Variants in CAST observed in about 807,000 individuals in gnomAD.
CAST encodes calpastatin.
In CAST, 76 loss-of-function variants were observed where a neutral mutation model predicts 119.6. That is an observed-to-expected ratio of 0.64 (90% CI 0.53 to 0.77). The LOEUF is 0.77. Ranked by LOEUF, CAST falls within the 30% of genes least tolerant of loss-of-function variation. The pLI is 0.00. For synonymous variants in CAST, 319 were observed against 331.6 expected (o/e 0.96, Z 0.41); for missense variants, 953 against 946.5 (o/e 1.01, Z -0.09).
intron 1 of CAST, among the ~76,000 whole-genome samples, chr5:96,540,307 C>A (rs1425142734): frequency 6.6e-6 from 1 of 151,984 alleles, no homozygotes; most frequent in Non-Finnish European, 1.5e-5. Flanking sequence ...TCTCCTTCTG[C>A]CTAAAGGACT....
At chr5:96,041,548 C>T in the CAST span, among the ~76,000 whole-genome samples, 2 of 152,062 alleles carry the variant, frequency 1.3e-5, no homozygotes, top group African/African-American at 4.8e-5. Context: ...TCTAAATAAA[C>T]TACTGTGGAC....
chr5:96,411,031 G>A, the CAST span: 1 of 1,371,666 alleles, frequency 7.3e-7, no homozygotes, highest in South Asian at 1.2e-5. Context: ...TCATCTATTG[G>A]GGTCATTGTT....
At chr5:96,226,371 C>T in the CAST span, among the ~76,000 whole-genome samples, 1 of 152,154 alleles carries the variant, frequency 6.6e-6, no homozygotes, top group Non-Finnish European at 1.5e-5. Context: ...CTAATGTAGG[C>T]TGGGCATGGT....
the CAST span, among the ~76,000 whole-genome samples, chr5:96,418,049 T>C: frequency 6.6e-6 from 1 of 152,208 alleles, no homozygotes; most frequent in East Asian, 1.9e-4. Flanking sequence ...TGTGCCTTTG[T>C]CCTAAAAAAT....
the CAST span, among the ~76,000 whole-genome samples, chr5:96,113,219 A>G: frequency 6.6e-6 from 1 of 152,204 alleles, no homozygotes; most frequent in Non-Finnish European, 1.5e-5. Flanking sequence ...GGAATTTGAG[A>G]CCAAATTATG....
the CAST span, among the ~76,000 whole-genome samples, chr5:96,305,364 G>C: frequency 1.3e-5 from 2 of 152,218 alleles, no homozygotes; most frequent in Non-Finnish European, 2.9e-5. Context: ...CTGAGACAAT[G>C]GGGTTTTCTA....
At chr5:96,595,917 T>G (rs779911250) in intron 1 of CAST, among the ~76,000 whole-genome samples, 2 of 151,830 alleles carry the variant, frequency 1.3e-5, no homozygotes, top group Non-Finnish European at 2.9e-5. Flanking sequence ...CTGGAGGAGG[T>G]GGCGTGGCAT....
At chr5:96,683,688 A>G (rs1751716877) in intron 2 of CAST, among the ~76,000 whole-genome samples, 1 of 152,118 alleles carries the variant, frequency 6.6e-6, no homozygotes, top group Non-Finnish European at 1.5e-5. Flanking sequence ...AATGTTGGTC[A>G]CTGCTTGTTT....
the CAST span, among the ~76,000 whole-genome samples, chr5:96,000,290 A>G: frequency 6.6e-6 from 1 of 152,212 alleles, no homozygotes; most frequent in Non-Finnish European, 1.5e-5. Context: ...ATTTTATGGA[A>G]CATGTTTTTA....
At chr5:96,729,501 G>T (rs372672040) in intron 7 of CAST, 111 bp from the exon 8 acceptor site, 3 of 651,570 alleles carry the variant, frequency 4.6e-6, no homozygotes, top group Non-Finnish European at 8.4e-6. Flanking sequence ...CAGCACAACT[G>T]TTATGAACAA....
At chr5:95,961,537 T>C in the CAST span, 10 of 1,523,038 alleles carry the variant, frequency 6.6e-6, no homozygotes, top group African/African-American at 5.8e-5. Context: ...GGGTGCGCTC[T>C]GCCTCTCTGA....
chr5:96,169,268 G>C, the CAST span, among the ~76,000 whole-genome samples: 3 of 152,288 alleles, frequency 2.0e-5, no homozygotes, highest in Middle Eastern at 3.4e-3. Flanking sequence ...CAGCAGTACA[G>C]CCCAGGTAAT....
chr5:96,653,458 T>C (rs1748119955), intron 1 of CAST, among the ~76,000 whole-genome samples: 1 of 152,246 alleles, frequency 6.6e-6, no homozygotes, highest in Admixed American at 6.5e-5. Context: ...TAGACCTGGC[T>C]TTGGAATCTG....
At chr5:96,443,176 T>C in the CAST span, among the ~76,000 whole-genome samples, 1 of 152,224 alleles carries the variant, frequency 6.6e-6, no homozygotes, top group African/African-American at 2.4e-5. Flanking sequence ...TGCTCATGCA[T>C]ACATCTGTAA....
chr5:96,190,361 G>A, the CAST span, among the ~76,000 whole-genome samples: 1 of 152,114 alleles, frequency 6.6e-6, no homozygotes, highest in Non-Finnish European at 1.5e-5. Context: ...GAAAGTGTAG[G>A]TTCTTTAATG....
chr5:96,290,702 G>T, the CAST span, among the ~76,000 whole-genome samples: 1 of 152,292 alleles, frequency 6.6e-6, no homozygotes. Context: ...ATCTGAAATG[G>T]ATGACAGGAA....
chr5:96,496,022 A>C, the CAST span, among the ~76,000 whole-genome samples: 1 of 152,206 alleles, frequency 6.6e-6, no homozygotes, highest in Non-Finnish European at 1.5e-5. Flanking sequence ...AAGTAGTAAG[A>C]GTGAATATTT....
the CAST span, chr5:96,433,163 T>C: frequency 4.0e-5 from 38 of 959,184 alleles, no homozygotes; most frequent in Non-Finnish European, 3.6e-5. Context: ...TGGCTCCTGG[T>C]TGCTCTGCGA....
the CAST span, among the ~76,000 whole-genome samples, chr5:96,401,607 C>T: frequency 6.6e-6 from 1 of 152,176 alleles, no homozygotes; most frequent in East Asian, 1.9e-4. Flanking sequence ...ATGAGGCCTT[C>T]CTTGATCAGC....
Sources: allele counts gnomAD v4.1 joint callset (sites outside exome capture counted in the v4.1 genomes callset), GRCh38; gene constraint gnomAD v4.1.1; transcripts MANE v1.5; gene names NCBI Gene and HGNC (gene_info 2026-07-23, HGNC 2026-07-21).